The following GOLGA4 variants were observed in gnomAD, a reference collection of about 807,000 sequenced individuals.
GOLGA4 encodes the protein golgin A4, also known as golgin subfamily A member 4.
GOLGA4 carries 169 observed loss-of-function variants against 265.9 expected under a neutral mutation model. The observed-to-expected ratio is 0.64, with a 90% CI of 0.56 to 0.72. The LOEUF (loss-of-function observed/expected upper bound fraction) is 0.72, where lower values mean the gene tolerates loss of function less well. Among genes scored for constraint, GOLGA4 ranks in the 30% least tolerant of loss-of-function variants. GOLGA4 has a pLI of 0.00. For synonymous variants in GOLGA4, 923 were observed against 855.8 expected, an observed-to-expected ratio of 1.08 and a Z score of -1.37; for missense variants, 2,482 against 2,483.4, an observed-to-expected ratio of 1.00 and a Z score of 0.01.
intron 2 of GOLGA4, among the ~76,000 whole-genome samples, chr3:37,258,610 G>A (rs2150651447): frequency 6.6e-6 from 1 of 152,268 alleles, no homozygotes; most frequent in African/African-American, 2.4e-5. Flanking sequence ...TTACAGGCAT[G>A]AACCACCACA....
At chr3:37,270,352 C>G (rs967201894) in intron 2 of GOLGA4, among the ~76,000 whole-genome samples, 4 of 150,748 alleles carry the variant, frequency 2.7e-5, no homozygotes, top group Non-Finnish European at 5.9e-5. Context: ...ACTACAGGTG[C>G]CTGCCACCAC....
intron 1 of GOLGA4, chr3:37,244,017 A>C: frequency 5.1e-6 from 1 of 194,660 alleles, no homozygotes; most frequent in Non-Finnish European, 1.1e-5. Context: ...GTGATATCTG[A>C]CCTCTGCTCG....
chr3:37,303,106 T>G (rs950213038), intron 10 of GOLGA4, among the ~76,000 whole-genome samples: 2 of 152,234 alleles, frequency 1.3e-5, no homozygotes, highest in African/African-American at 4.8e-5. Flanking sequence ...GTGAATCAGC[T>G]GAAAACCATT....
chr3:37,270,232 G>C (rs1057014901), intron 2 of GOLGA4, among the ~76,000 whole-genome samples: 4 of 139,078 alleles, frequency 2.9e-5, no homozygotes, highest in Non-Finnish European at 6.1e-5. Context: ...TTGAGGTGGA[G>C]TCTCACTTTG....
chr3:37,358,230 A>G (rs1407838119), intron 22 of GOLGA4, among the ~76,000 whole-genome samples: 1 of 152,158 alleles, frequency 6.6e-6, no homozygotes, highest in Non-Finnish European at 1.5e-5. Flanking sequence ...GACCATGATG[A>G]TTATACATTT....
intron 9 of GOLGA4, among the ~76,000 whole-genome samples, chr3:37,300,573 G>A (rs183709885): frequency 6.3e-4 from 96 of 151,392 alleles, no homozygotes; most frequent in Non-Finnish European, 1.1e-3. Flanking sequence ...CCACCACCCC[G>A]CTTCAACAGT....
intron 14 of GOLGA4, 148 bp from the exon 15 acceptor site, chr3:37,328,268 A>ACACACACACT (rs1491545801): frequency 8.4e-5 from 57 of 676,500 alleles, no homozygotes; most frequent in Non-Finnish European, 1.1e-4. Context: ...ACACACACAC[A>ACACACACACT]CTCACTCTCA....
chr3:37,327,294 A>T lies in GOLGA4; in HGVS notation c.5408A>T (p.Glu1803Val), dbSNP rs1214634148. The stretch of plus-strand genomic sequence containing the variant: ...GGTCATCTTCAAGAGGAGCTTGAAG[A>T]AAAAAACAAGAAATATTCCTTGATA... Reference protein sequence around the residue: ...MIGHLQEELEEKNKKYSLIVA... With the variant: ...MIGHLQEELEVKNKKYSLIVA... The change falls in exon 14 of 24, where the codon GAA (glutamate) becomes GTA (valine). Residue 1803 changes from glutamate to valine, a missense_variant. Transcript: ENST00000361924. The T allele has an allele frequency of 7.4e-6, 12 of 1,613,678 alleles. No homozygotes were observed. The South Asian group carries it at 8.8e-5, about 12-fold the overall frequency.
Position 37,324,403 on chromosome 3 carries a change from CA to C in GOLGA4, c.2520del (p.Lys840AsnfsTer17). On this transcript the variant is annotated frameshift_variant, in exon 14 of 24. Transcript: ENST00000361924. LOFTEE classifies it high-confidence loss of function. ...DLETERILLT[K>X]QVAEVEAQKK... ...TGGAAACAGAAAGAATTCTTCTTACCAAACAGGTTGCTGAAGTTGAAGCACA... is the reference window on the plus strand; with the variant it reads ...TGGAAACAGAAAGAATTCTTCTTACCAACAGGTTGCTGAAGTTGAAGCACA... 1 of 1,614,106 alleles carries C rather than the reference CA, an allele frequency of 6.2e-7. No individual in the cohort carries two copies. The highest frequency in any genetic ancestry group is 8.5e-7 in the Non-Finnish European group (1 of 1,179,986).
At chr3:37,353,539 T>A (rs925246459) in intron 21 of GOLGA4, among the ~76,000 whole-genome samples, 1 of 152,058 alleles carries the variant, frequency 6.6e-6, no homozygotes. Context: ...GTCTTATGTA[T>A]GTTATTGTTG....
intron 3 of GOLGA4, among the ~76,000 whole-genome samples, chr3:37,283,392 A>C (rs1196423128): frequency 6.6e-6 from 1 of 152,208 alleles, no homozygotes; most frequent in Non-Finnish European, 1.5e-5. Context: ...AATTTCTACC[A>C]AAGTTAATAA....
intron 9 of GOLGA4, 103 bp from the exon 10 acceptor site, chr3:37,302,082 C>A: frequency 1.1e-6 from 1 of 941,134 alleles, no homozygotes; most frequent in Non-Finnish European, 1.7e-6. Context: ...AGTCACCATG[C>A]ACCATGCCCG....
intron 2 of GOLGA4, among the ~76,000 whole-genome samples, chr3:37,273,950 A>G (rs1253437453): frequency 3.3e-5 from 5 of 152,090 alleles, no homozygotes. Context: ...AAAAATAGAA[A>G]AAGTCAGCCA....
intron 2 of GOLGA4, among the ~76,000 whole-genome samples, chr3:37,271,518 G>C (rs1335638233): frequency 6.6e-6 from 1 of 152,060 alleles, no homozygotes; most frequent in African/African-American, 2.4e-5. Context: ...ATTGGTACAA[G>C]AACCCCTCCC....
rs1398211651 is a variant in GOLGA4, at chr3:37,324,549, A to G, written c.2663A>G (p.Tyr888Cys). ...EQKVKSLTQV[Y>C]ESKLEDGNKE... ...AAAGTAAAATCTTTAACCCAAGTCT[A>G]TGAGTCCAAACTTGAAGATGGTAAC... is the stretch of plus-strand genomic sequence containing the variant. The change falls in exon 14 of 24, where the codon TAT (tyrosine) becomes TGT (cysteine). Residue 888 changes from tyrosine (Y) to cysteine (C), a missense_variant. Around this residue, in one of 3 missense-constraint regions of GOLGA4, gnomAD observed 1,536 missense variants for 1,483.7 expected, o/e 1.04. Coordinates refer to ENST00000361924, the MANE Select transcript of GOLGA4 (RefSeq NM_002078.5). 16 of 1,613,844 alleles carry G rather than the reference A, an allele frequency of 9.9e-6. No individual in the cohort carries two copies. The highest frequency in any genetic ancestry group is 6.7e-5 in the Admixed American group (4 of 59,994).
chr3:37,251,599 G>T, intron 2 of GOLGA4, 115 bp downstream of exon 2: 3 of 593,362 alleles, frequency 5.1e-6, no homozygotes, highest in East Asian at 3.0e-5. Context: ...TTCCTAGGTA[G>T]AGTTTTTATT....
chr3:37,328,268 A>ACC, intron 14 of GOLGA4, 148 bp from the exon 15 acceptor site: 1 of 676,546 alleles, frequency 1.5e-6, no homozygotes, highest in Non-Finnish European at 2.6e-6. Flanking sequence ...ACACACACAC[A>ACC]CTCACTCTCA....
rs148695163 is a variant in GOLGA4, at chr3:37,264,770, G to A, written c.162+13286G>A. 1.2e-3 allele frequency among the ~76,000 whole-genome samples: 176 copies of A among 152,184 alleles called. 1 individual carries two copies. Among genetic ancestry groups the A allele is most frequent in the African/African-American group, 4.1e-3 (169 of 41,528 alleles). On this transcript the variant is annotated intron_variant, in intron 2 of 23. Coordinates refer to ENST00000361924, the MANE Select transcript of GOLGA4 (RefSeq NM_002078.5). Reference sequence around the variant, plus strand: ...TTTGCTCAGGCTGGAGTGCTGTGGTGTGATCACAGCTCACTGCTGGGCTTA... The same window carrying A: ...TTTGCTCAGGCTGGAGTGCTGTGGTATGATCACAGCTCACTGCTGGGCTTA...
Position 37,315,505 on chromosome 3 carries a change from A to C in GOLGA4, c.1320A>C (p.Gln440His). The C allele has an allele frequency of 6.2e-7, 1 of 1,614,064 alleles. No individual in the cohort carries two copies. Among genetic ancestry groups the C allele is most frequent in the Non-Finnish European group, 8.5e-7 (1 of 1,179,932 alleles). ...AACTGAAGGCAGAAATGGATGAACA[A>C]ATAAAAACTATCGAAAAAACAAGTG... ...RRKLKAEMDE[Q>H]IKTIEKTSEE... Residue 440 changes from glutamine to histidine, a missense_variant, in exon 11 of 24, where the codon CAA (glutamine) becomes CAC (histidine). Transcript: ENST00000361924.
Sources: gnomAD v4.1 joint callset for allele counts (sites outside exome capture counted in the v4.1 genomes callset) on GRCh38, gnomAD v4.1.1 for gene constraint, gnomAD v4.1.1 regional missense constraint, MANE v1.5 for transcripts, NCBI Gene and HGNC (gene_info 2026-07-23, HGNC 2026-07-21) for gene names.